Variants in VAT1L observed in about 807,000 individuals in gnomAD.
The protein encoded by VAT1L is putative NADPH-dependent quinone oxidoreductase VAT1L.
VAT1L carries 34 observed loss-of-function variants against 44.1 expected under a neutral mutation model. That is an observed-to-expected ratio of 0.77 (90% CI 0.59 to 1.03). VAT1L has a LOEUF of 1.03. Ranked by LOEUF, VAT1L falls within the 50% of genes least tolerant of loss-of-function variation. The probability of loss-of-function intolerance (pLI) is 0.00; values close to 1 mark genes in which losing one functional copy is unlikely to be tolerated. For synonymous variants in VAT1L, 253 were observed against 202.2 expected (o/e 1.25, Z -2.13); for missense variants, 615 against 538.8 (o/e 1.14, Z -1.40).
At chr16:77,899,898 G>A (rs1426012276) in intron 7 of VAT1L, among the ~76,000 whole-genome samples, 1 of 152,168 alleles carries the variant, frequency 6.6e-6, no homozygotes, top group Non-Finnish European at 1.5e-5. Flanking sequence ...CACCCAAATG[G>A]CTACAAATTA....
At chr16:77,931,720 C>T (rs934718593) in intron 7 of VAT1L, among the ~76,000 whole-genome samples, 2 of 152,052 alleles carry the variant, frequency 1.3e-5, no homozygotes, top group Non-Finnish European at 2.9e-5. Context: ...CTTATAAGCC[C>T]CTAGGCAGGG....
chr16:77,928,903 C>T (rs1862323514), intron 7 of VAT1L, among the ~76,000 whole-genome samples: 1 of 152,042 alleles, frequency 6.6e-6, no homozygotes, highest in African/African-American at 2.4e-5. Flanking sequence ...TGCAACCTCC[C>T]CTTTCCGGGT....
At chr16:77,853,407 C>T (rs1022372011) in intron 3 of VAT1L, among the ~76,000 whole-genome samples, 12 of 152,114 alleles carry the variant, frequency 7.9e-5, no homozygotes, top group African/African-American at 2.7e-4. Flanking sequence ...TGGATCTCAG[C>T]GCCGTCAGCA....
intron 8 of VAT1L, 64 bp downstream of exon 8, chr16:77,971,997 G>T: frequency 6.7e-7 from 1 of 1,498,566 alleles, no homozygotes; most frequent in Non-Finnish European, 9.1e-7. Flanking sequence ...TCAATCAGAT[G>T]CAGACACGGG....
rs193189777 is a variant in VAT1L, at chr16:77,964,520, T to C, written c.1078-7330T>C. Among the ~76,000 whole-genome samples, 795 of 152,124 alleles carry C rather than the reference T, an allele frequency of 5.2e-3. 8 individuals carry two copies. Among genetic ancestry groups the C allele is most frequent in the African/African-American group, 0.019 (766 of 41,394 alleles). On this transcript the variant is annotated intron_variant, in intron 7 of 8. Transcript: ENST00000302536. ...TCCTGCCTTCCTCTTGCAAGAATCG[T>C]TGTGGTTCCATGGGGCCCCCAGATA...
In VAT1L at chr16:77,816,983, C is replaced by T; in HGVS notation, c.296C>T (p.Pro99Leu). 1 of 1,614,004 alleles carries T rather than the reference C, an allele frequency of 6.2e-7. No homozygotes were observed. The highest frequency in any genetic ancestry group is 8.5e-7 in the Non-Finnish European group (1 of 1,179,958). Residue 99 changes from proline (P) to leucine (L), a missense_variant, in exon 2 of 9, where the codon CCC (proline) becomes CTC (leucine). Coordinates refer to ENST00000302536, the MANE Select transcript of VAT1L (RefSeq NM_020927.3). Reference protein sequence around the residue: ...QGNIDNPPKTPLVPGFECSGI... With the variant: ...QGNIDNPPKTLLVPGFECSGI... The stretch of plus-strand genomic sequence containing the variant: ...AATATTGACAACCCTCCCAAGACTC[C>T]CCTGGTGCCAGGATTTGAGTGTTCT...
chr16:77,823,771 C>T (rs536773656), intron 2 of VAT1L, among the ~76,000 whole-genome samples: 15 of 152,200 alleles, frequency 9.9e-5, no homozygotes, highest in Non-Finnish European at 2.2e-4. Context: ...GTAATCCCAG[C>T]ATTTTGGGAG....
chr16:77,790,256 G>A (rs1025498705), intron 1 of VAT1L, among the ~76,000 whole-genome samples: 21 of 152,298 alleles, frequency 1.4e-4, no homozygotes, highest in Non-Finnish European at 1.5e-4. Flanking sequence ...AACACGACTC[G>A]TGAGTCTCTG....
At position 77,950,927 on chromosome 16, in the gene VAT1L, A is replaced by G. The variant is rs866400152; in HGVS notation, c.1078-20923A>G. Among the ~76,000 whole-genome samples the G allele has an allele frequency of 5.3e-5, 8 of 152,234 alleles. No homozygotes were observed. In the South Asian group the frequency reaches 1.7e-3, roughly 32 times the overall value. ...TAAAATTATGGCAGCTAATAAATGA[A>G]CACGACTGTATTCATCCTCCGGTAA... On this transcript the variant is annotated intron_variant, in intron 7 of 8. Transcript: ENST00000302536.
chr16:77,892,584 G>A, intron 7 of VAT1L: 1 of 636,244 alleles, frequency 1.6e-6, no homozygotes, highest in Non-Finnish European at 3.0e-6. Flanking sequence ...TGCTTTCACA[G>A]AATTATTCCA....
At chr16:77,958,028 C>A (rs958660302) in intron 7 of VAT1L, among the ~76,000 whole-genome samples, 1 of 152,082 alleles carries the variant, frequency 6.6e-6, no homozygotes, top group Admixed American at 6.6e-5. Flanking sequence ...CTTCTTCTGC[C>A]TTCCAAGTAG....
At chr16:77,925,588 C>T (rs1265797795) in intron 7 of VAT1L, among the ~76,000 whole-genome samples, 4 of 152,152 alleles carry the variant, frequency 2.6e-5, no homozygotes, top group Non-Finnish European at 5.9e-5. Context: ...TCACTGCTTC[C>T]TTTAATAAAA....
intron 4 of VAT1L, among the ~76,000 whole-genome samples, chr16:77,867,516 G>C (rs971023169): frequency 6.6e-6 from 1 of 151,916 alleles, no homozygotes; most frequent in Non-Finnish European, 1.5e-5. Flanking sequence ...TTACAATGGA[G>C]TTACATCCCT....
intron 1 of VAT1L, among the ~76,000 whole-genome samples, chr16:77,813,546 C>A (rs1328272751): frequency 6.6e-6 from 1 of 152,214 alleles, no homozygotes; most frequent in Non-Finnish European, 1.5e-5. Flanking sequence ...GGGAACTCAG[C>A]AATGGAAGTC....
At chr16:77,823,669 G>A (rs2016486137) in intron 2 of VAT1L, among the ~76,000 whole-genome samples, 1 of 152,190 alleles carries the variant, frequency 6.6e-6, no homozygotes, top group South Asian at 2.1e-4. Context: ...TTACAGTCTA[G>A]TACATTATGA....
chr16:77,813,437 A>G (rs771518008), intron 1 of VAT1L, among the ~76,000 whole-genome samples: 10 of 152,172 alleles, frequency 6.6e-5, no homozygotes, highest in Non-Finnish European at 1.2e-4. Context: ...CTATAAACAC[A>G]TGTGTGAAGT....
intron 7 of VAT1L, among the ~76,000 whole-genome samples, chr16:77,932,373 A>G (rs1016942362): frequency 6.6e-6 from 1 of 152,106 alleles, no homozygotes; most frequent in East Asian, 1.9e-4. Flanking sequence ...CAAAAGTGCT[A>G]GGATTACAGG....
intron 4 of VAT1L, 37 bp downstream of exon 4, chr16:77,862,927 C>T (rs2016932035): frequency 1.4e-5 from 22 of 1,605,110 alleles, no homozygotes; most frequent in Non-Finnish European, 1.9e-5. Flanking sequence ...CCAGGCTGGC[C>T]CTTGCTCTGC....
chr16:77,956,728 G>A (rs1233023541), intron 7 of VAT1L, among the ~76,000 whole-genome samples: 1 of 152,136 alleles, frequency 6.6e-6, no homozygotes, highest in Non-Finnish European at 1.5e-5. Context: ...AGACAAAGTG[G>A]GGGAGAACCG....
Sources: gnomAD v4.1 joint callset for allele counts (sites outside exome capture counted in the v4.1 genomes callset) on GRCh38, gnomAD v4.1.1 for gene constraint, MANE v1.5 for transcripts, NCBI Gene and HGNC (gene_info 2026-07-23, HGNC 2026-07-21) for gene names.